UBE2D2: variants seen among roughly 807,000 people sequenced by gnomAD.
The protein encoded by UBE2D2 is ubiquitin conjugating enzyme E2 D2.
A neutral mutation model predicts 24.2 loss-of-function variants in UBE2D2; 2 were observed. The observed-to-expected ratio is 0.08, with a 90% confidence interval of 0.03 to 0.26. The LOEUF (loss-of-function observed/expected upper bound fraction) is 0.26, where lower values mean the gene tolerates loss of function less well. Ranked by LOEUF, UBE2D2 falls within the 10% of genes least tolerant of loss-of-function variation. The pLI is 1.00. For missense variants in UBE2D2, 44 were observed against 177.6 expected, an observed-to-expected ratio of 0.25 and a Z score of 4.28; for synonymous variants, 58 against 56.5, an observed-to-expected ratio of 1.03 and a Z score of -0.12.
chr5:139,551,557 T>A (rs1752921226), intron 1 of UBE2D2, among the ~76,000 whole-genome samples: 1 of 152,186 alleles, frequency 6.6e-6, no homozygotes, highest in African/African-American at 2.4e-5. Flanking sequence ...GAATATAAAG[T>A]GTTTTTTCAT....
intron 1 of UBE2D2, among the ~76,000 whole-genome samples, chr5:139,576,967 ATT>A (rs57930268): frequency 0.082 from 7,897 of 96,470 alleles, 210 homozygotes; most frequent in South Asian, 0.11. Flanking sequence ...TTTAACTTGA[ATT>A]TTTTTTTTTT....
intron 1 of UBE2D2, among the ~76,000 whole-genome samples, chr5:139,534,941 C>T (rs1308530035): frequency 1.3e-5 from 2 of 151,328 alleles, no homozygotes; most frequent in South Asian, 2.1e-4. Flanking sequence ...GAGTTCAAGA[C>T]CAGCCTGGGC....
chr5:139,550,741 T>C (rs1355155760), intron 1 of UBE2D2, among the ~76,000 whole-genome samples: 1 of 151,092 alleles, frequency 6.6e-6, no homozygotes, highest in Non-Finnish European at 1.5e-5. Context: ...ACGCGCTGCC[T>C]TAAGAGGTGT....
In UBE2D2 at chr5:139,533,860, G is replaced by C. The variant is rs369164727; in HGVS notation, c.-64+7248G>C. ...TGCAGTGGCAGGATATTGGCTCACA[G>C]CAACCTCCGCCTCCCGGGTTCAAGC... is the stretch of plus-strand genomic sequence containing the variant. On this transcript the variant is annotated intron_variant, in intron 1 of 6. Coordinates refer to the UBE2D2 transcript ENST00000511725. Among the ~76,000 whole-genome samples the C allele has an allele frequency of 5.4e-3, 808 of 148,814 alleles. 11 individuals carry two copies. Among genetic ancestry groups the C allele is most frequent in the African/African-American group, 0.019 (752 of 40,460 alleles).
intron 1 of UBE2D2, among the ~76,000 whole-genome samples, chr5:139,571,071 T>C (rs1345485907): frequency 1.3e-5 from 2 of 152,168 alleles, no homozygotes; most frequent in Non-Finnish European, 2.9e-5. Context: ...AGAGAAAATA[T>C]AAATCTTACG....
At chr5:139,625,846 C>G (rs1211521157) in intron 6 of UBE2D2, among the ~76,000 whole-genome samples, 10 of 152,046 alleles carry the variant, frequency 6.6e-5, no homozygotes, top group Admixed American at 6.6e-4. Flanking sequence ...CTCAAGTGAT[C>G]CAGCTGCTCC....
intron 1 of UBE2D2, among the ~76,000 whole-genome samples, chr5:139,535,011 T>C (rs998407518): frequency 6.6e-6 from 1 of 151,586 alleles, no homozygotes; most frequent in African/African-American, 2.4e-5. Context: ...TGGTGGTACA[T>C]GCCTGTAGTC....
upstream of UBE2D2, among the ~76,000 whole-genome samples, chr5:139,556,772 C>T (rs1752985974): frequency 6.6e-6 from 1 of 150,390 alleles, no homozygotes; most frequent in African/African-American, 2.4e-5. Context: ...GAACAAATTC[C>T]TTGAAAAACA....
chr5:139,552,509 C>CTTTTT (rs35945797), intron 1 of UBE2D2, among the ~76,000 whole-genome samples: 1 of 124,246 alleles, frequency 8.0e-6, no homozygotes, highest in Non-Finnish European at 1.6e-5. Flanking sequence ...TTTCTTTTTT[C>CTTTTT]TTTTTTTTTT....
At chr5:139,621,280 A>G (rs1444277954) in intron 5 of UBE2D2, among the ~76,000 whole-genome samples, 2 of 152,194 alleles carry the variant, frequency 1.3e-5, no homozygotes, top group African/African-American at 2.4e-5. Flanking sequence ...ATATTTTAAA[A>G]CATAAGTTAA....
intron 1 of UBE2D2, among the ~76,000 whole-genome samples, chr5:139,595,525 C>A (rs79206054): frequency 6.6e-6 from 1 of 151,882 alleles, no homozygotes; most frequent in Non-Finnish European, 1.5e-5. Flanking sequence ...ATTATAGGAG[C>A]CCCCACCACG....
At chr5:139,593,027 G>A (rs1266237934) in intron 1 of UBE2D2, among the ~76,000 whole-genome samples, 2 of 131,560 alleles carry the variant, frequency 1.5e-5, no homozygotes, top group African/African-American at 5.9e-5. Flanking sequence ...GCAGAGTCTC[G>A]CTCTGTTACC....
At chr5:139,625,610 A>ATT (rs113144360) in intron 6 of UBE2D2, among the ~76,000 whole-genome samples, 7 of 141,500 alleles carry the variant, frequency 4.9e-5, no homozygotes, top group African/African-American at 5.2e-5. Flanking sequence ...CATCCAGCTA[A>ATT]TTTTTTTTTT....
chr5:139,590,782 CTTTTTT>C (rs57962602), intron 1 of UBE2D2, among the ~76,000 whole-genome samples: 8 of 38,422 alleles, frequency 2.1e-4, no homozygotes, highest in African/African-American at 5.8e-4. Context: ...TTCTCTTCTT[CTTTTTT>C]TTTTTTTTTT....
At chr5:139,579,455 G>A (rs1378676938) in intron 1 of UBE2D2, among the ~76,000 whole-genome samples, 1 of 152,018 alleles carries the variant, frequency 6.6e-6, no homozygotes, top group Non-Finnish European at 1.5e-5. Flanking sequence ...CCTAATTTTT[G>A]TATTTTTAGT....
intron 1 of UBE2D2, among the ~76,000 whole-genome samples, chr5:139,531,324 C>G (rs568091269): frequency 6.6e-6 from 1 of 152,246 alleles, no homozygotes; most frequent in Non-Finnish European, 1.5e-5. Flanking sequence ...ATTCCCTGCC[C>G]TGTTCTGTTT....
At chr5:139,552,841 C>G (rs897894006) in intron 1 of UBE2D2, among the ~76,000 whole-genome samples, 9 of 151,886 alleles carry the variant, frequency 5.9e-5, no homozygotes, top group Non-Finnish European at 7.4e-5. Context: ...CGCTACCATG[C>G]CCAGCTAATT....
At chr5:139,591,723 A>T (rs1753849856) in intron 1 of UBE2D2, among the ~76,000 whole-genome samples, 1 of 152,204 alleles carries the variant, frequency 6.6e-6, no homozygotes, top group Non-Finnish European at 1.5e-5. Context: ...CCTGAGTTTT[A>T]AAAACTCATA....
chr5:139,598,853 G>A (rs1020439283), intron 1 of UBE2D2, among the ~76,000 whole-genome samples: 3 of 150,150 alleles, frequency 2.0e-5, no homozygotes, highest in South Asian at 4.2e-4. Context: ...GTGAGCCATC[G>A]CTCCTGGGAA....
Sources: allele counts gnomAD v4.1 joint callset (sites outside exome capture counted in the v4.1 genomes callset), GRCh38; gene constraint gnomAD v4.1.1; transcripts MANE v1.5; gene names NCBI Gene and HGNC (gene_info 2026-07-23, HGNC 2026-07-21).